CLIP2: variants seen among roughly 807,000 people sequenced by gnomAD.
CLIP2 encodes CAP-Gly domain-containing linker protein 2.
In CLIP2, 41 loss-of-function variants were observed where a neutral mutation model predicts 111.7. The ratio of observed to expected loss-of-function variants is 0.37; its 90% CI spans 0.29 to 0.48. The LOEUF (loss-of-function observed/expected upper bound fraction) is 0.48, where lower values mean the gene tolerates loss of function less well. CLIP2 is among the 20% of genes least tolerant of loss of function. The pLI is 0.99. For missense variants in CLIP2, 1,160 were observed against 1,422.1 expected (o/e 0.82, Z 2.96); for synonymous variants, 660 against 644.2 (o/e 1.02, Z -0.37).
chr7:74,318,674 C>G (rs1035607418), intron 2 of CLIP2, among the ~76,000 whole-genome samples: 1 of 152,128 alleles, frequency 6.6e-6, no homozygotes, highest in Non-Finnish European at 1.5e-5. Flanking sequence ...GATCACACCA[C>G]TGCACTCCAG....
In CLIP2 at chr7:74,321,381, A is replaced by G. The variant is rs567990028; in HGVS notation, c.121+3714A>G. Among the ~76,000 whole-genome samples the G allele has an allele frequency of 3.3e-5, 5 of 152,302 alleles. No individual in the cohort carries two copies. In the South Asian group the frequency reaches 1.0e-3, roughly 32 times the overall value. Reference sequence around the variant, plus strand: ...TATCGTGGTCCCACAGGATTCTAACAGAGCTGAGCATTTCCTATTGCCGAC... The same window carrying G: ...TATCGTGGTCCCACAGGATTCTAACGGAGCTGAGCATTTCCTATTGCCGAC... On this transcript the variant is annotated intron_variant, in intron 2 of 16. Coordinates refer to ENST00000223398, the MANE Select transcript of CLIP2 (RefSeq NM_003388.5).
chr7:74,332,789 G>A (rs1454944643), intron 2 of CLIP2, among the ~76,000 whole-genome samples: 2 of 152,148 alleles, frequency 1.3e-5, no homozygotes, highest in Non-Finnish European at 2.9e-5. Flanking sequence ...ACATGGCGTG[G>A]CAAGCTGAAT....
chr7:74,374,701 A>G (rs1329233847), intron 9 of CLIP2, among the ~76,000 whole-genome samples: 2 of 152,342 alleles, frequency 1.3e-5, no homozygotes, highest in East Asian at 3.9e-4. Flanking sequence ...AGCCTGGGCA[A>G]GAGAGTGAGA....
intron 7 of CLIP2, among the ~76,000 whole-genome samples, chr7:74,362,301 C>T (rs1358475114): frequency 2.0e-5 from 3 of 152,080 alleles, no homozygotes; most frequent in Non-Finnish European, 2.9e-5. Context: ...CATCTCCCTC[C>T]CCTGTCCCCA....
At position 74,338,854 on chromosome 7, in the gene CLIP2, C is replaced by G; in HGVS notation, c.528C>G (p.Ala176=). The change falls in exon 3 of 17, where the codon GCC becomes GCG. Residue 176 remains alanine (A), a synonymous_variant. Coordinates refer to ENST00000223398, the MANE Select transcript of CLIP2 (RefSeq NM_003388.5). The surrounding 1 kb of genome is among the most constrained non-coding windows in gnomAD (Gnocchi z 4.3). The stretch of plus-strand genomic sequence containing the variant: ...ACCTGTCATTGCATTCGGGCACGGC[C>G]ACGCCCCCGCTGACCAGCCGCGTCA... ...AQNLSLHSGT[A]TPPLTSRVIP... is the part of the protein sequence containing the mutation. The G allele has an allele frequency of 6.2e-7, 1 of 1,609,454 alleles. No individual in the cohort carries two copies. Among genetic ancestry groups the G allele is most frequent in the Non-Finnish European group, 8.5e-7 (1 of 1,179,914 alleles).
intron 11 of CLIP2, chr7:74,381,100 C>T (rs1401512060): frequency 2.5e-5 from 9 of 357,956 alleles, no homozygotes; most frequent in East Asian, 1.7e-4. Context: ...ACAGATTTAA[C>T]GGAATAGTAA....
Position 74,376,367 on chromosome 7 carries a change from A to G in CLIP2, c.1966A>G (p.Ile656Val), listed in dbSNP as rs782198748. The G allele has an allele frequency of 6.2e-7, 1 of 1,614,068 alleles. No individual in the cohort carries two copies. The highest frequency in any genetic ancestry group is 8.5e-7 in the Non-Finnish European group (1 of 1,180,036). ...IGELKAVMEG[I>V]KMEHQLELGN... ...CGAGCTGAAGGCAGTGATGGAGGGCATCAAGATGGAGCACCAGCTGGAGCT... is the reference window on the plus strand; with the variant it reads ...CGAGCTGAAGGCAGTGATGGAGGGCGTCAAGATGGAGCACCAGCTGGAGCT... The change falls in exon 10 of 17, where the codon ATC becomes GTC. Residue 656 changes from isoleucine to valine, a missense_variant. Physicochemically the swap from Ile to Val is conservative, Grantham distance 29 (BLOSUM62 3). This residue lies in a region of CLIP2 where 676 missense variants were observed against 777.8 expected (regional missense o/e 0.87). Coordinates refer to ENST00000223398, the MANE Select transcript of CLIP2 (RefSeq NM_003388.5). The surrounding 1 kb of genome is among the most constrained non-coding windows in gnomAD (Gnocchi z 7.1).
chr7:74,362,079 A>G (rs1554309882), intron 7 of CLIP2, among the ~76,000 whole-genome samples: 1 of 151,626 alleles, frequency 6.6e-6, no homozygotes, highest in Non-Finnish European at 1.5e-5. Flanking sequence ...ACAGCTGGGT[A>G]ACAGAGCGAG....
chr7:74,374,896 T>C (rs1790731819), intron 9 of CLIP2, among the ~76,000 whole-genome samples: 1 of 152,124 alleles, frequency 6.6e-6, no homozygotes. Context: ...TCTAAGAGTT[T>C]TTTGTTGAAA....
intron 11 of CLIP2, among the ~76,000 whole-genome samples, chr7:74,381,971 C>T (rs1347434927): frequency 6.6e-6 from 1 of 152,220 alleles, no homozygotes; most frequent in Non-Finnish European, 1.5e-5. Context: ...TCCCCTCAAA[C>T]TCCCATCAAC....
intron 3 of CLIP2, among the ~76,000 whole-genome samples, chr7:74,341,149 G>A (rs1236593143): frequency 6.6e-6 from 1 of 152,018 alleles, no homozygotes; most frequent in African/African-American, 2.4e-5. Flanking sequence ...CTCACTTTAT[G>A]GATGGGGAAA....
intron 2 of CLIP2, among the ~76,000 whole-genome samples, chr7:74,325,199 C>G (rs1789076508): frequency 6.6e-6 from 1 of 152,198 alleles, no homozygotes; most frequent in South Asian, 2.1e-4. Flanking sequence ...GGCCTGTATC[C>G]TCAGAGCTGT....
At position 74,403,856 on chromosome 7, in the gene CLIP2, G is replaced by A. The variant is rs1554318124; in HGVS notation, c.*8G>A. On this transcript the variant is annotated 3_prime_UTR_variant, in exon 17 of 17. Transcript: ENST00000223398. ...CTCTAGGACAAGCACTGATCCTGAG[G>A]GGATACTGTGGAGCAGCCCAGTCCA... 1 of 1,613,038 alleles carries A rather than the reference G, an allele frequency of 6.2e-7. No homozygotes were observed. The highest frequency in any genetic ancestry group is 8.5e-7 in the Non-Finnish European group (1 of 1,179,882).
chr7:74,381,560 C>A (rs1554313920), intron 11 of CLIP2: 3 of 454,660 alleles, frequency 6.6e-6, no homozygotes, highest in East Asian at 1.4e-4. Context: ...CTTCACTGTT[C>A]TCTATTCTTC....
chr7:74,294,569 C>T (rs369396755), intron 1 of CLIP2, among the ~76,000 whole-genome samples: 5 of 152,138 alleles, frequency 3.3e-5, no homozygotes, highest in African/African-American at 9.7e-5. Flanking sequence ...GCGGAATTTC[C>T]GGCTCACCAG....
chr7:74,292,537 C>T (rs1026125654), intron 1 of CLIP2, among the ~76,000 whole-genome samples: 12 of 152,014 alleles, frequency 7.9e-5, no homozygotes, highest in African/African-American at 2.7e-4. Context: ...CAGGCCCATG[C>T]CACCAAGACT....
At chr7:74,363,082 G>A (rs555957202) in intron 7 of CLIP2, among the ~76,000 whole-genome samples, 8 of 151,396 alleles carry the variant, frequency 5.3e-5, no homozygotes, top group East Asian at 2.0e-4. Context: ...TCAGCTCACC[G>A]CAACCTCTGC....
chr7:74,359,544 A>AC (rs1554309328), intron 6 of CLIP2, among the ~76,000 whole-genome samples: 1 of 151,490 alleles, frequency 6.6e-6, no homozygotes, highest in Non-Finnish European at 1.5e-5. Flanking sequence ...TTTAGTAGAG[A>AC]TGGGGTTTCA....
In CLIP2 at chr7:74,389,239, G is replaced by A; in HGVS notation, c.2700G>A (p.Gln900=). 1.2e-6 allele frequency: 2 copies of A among 1,606,640 alleles called. No homozygotes were observed. Among genetic ancestry groups the A allele is most frequent in the South Asian group, 1.1e-5 (1 of 90,284 alleles). The change falls in exon 13 of 17, where the codon CAG becomes CAA. Residue 900 remains glutamine (Q), a synonymous_variant. Coordinates refer to ENST00000223398, the MANE Select transcript of CLIP2 (RefSeq NM_003388.5). ...DASGQLVLIS[Q]ELLRKERSLN... ...CGGGCCAGCTAGTCCTCATCAGCCA[G>A]GAGCTGCTGCGGAAGGAGCGGTGAG...
Sources: allele counts gnomAD v4.1 joint callset (sites outside exome capture counted in the v4.1 genomes callset), GRCh38; gene constraint gnomAD v4.1.1; regional missense constraint gnomAD v4.1.1; non-coding constraint Gnocchi (gnomAD v3.1); transcripts MANE v1.5; gene names NCBI Gene and HGNC (gene_info 2026-07-23, HGNC 2026-07-21).